Variants in ME3 observed in about 807,000 individuals in gnomAD.
ME3 encodes the protein NADP-dependent malic enzyme, mitochondrial.
A neutral mutation model predicts 68.9 loss-of-function variants in ME3; 48 were observed. The observed-to-expected ratio is 0.70, with a 90% CI of 0.55 to 0.89. The LOEUF is 0.89. Ranked by LOEUF, ME3 falls within the 40% of genes least tolerant of loss-of-function variation. The pLI, the probability that ME3 is intolerant of heterozygous loss-of-function variation, is 0.00. For missense variants in ME3, 675 were observed against 797.4 expected, an observed-to-expected ratio of 0.85 and a Z score of 1.85; for synonymous variants, 320 against 318.8, an observed-to-expected ratio of 1.00 and a Z score of -0.04.
At chr11:86,506,027 C>T (rs549521006) in intron 5 of ME3, among the ~76,000 whole-genome samples, 76 of 152,310 alleles carry the variant, frequency 5.0e-4, no homozygotes, top group Non-Finnish European at 7.9e-4. Context: ...ACTTCGAGCT[C>T]CTTGAGTATG....
chr11:86,551,226 T>C lies in ME3; in HGVS notation c.467+5327A>G, dbSNP rs545631711. Among the ~76,000 whole-genome samples the C allele has an allele frequency of 2.0e-5, 3 of 152,310 alleles. No individual in the cohort carries two copies. The South Asian group carries it at 6.2e-4, about 32-fold the overall frequency. On this transcript the variant is annotated intron_variant, in intron 4 of 14. Transcript: ENST00000543262. ...ATTGATAAAGCATGTTCACATGCGT[T>C]TAGCCCTTCTGACCCTCATAATGAT...
chr11:86,506,909 C>T (rs905474399), intron 5 of ME3, among the ~76,000 whole-genome samples: 27 of 152,176 alleles, frequency 1.8e-4, no homozygotes, highest in African/African-American at 6.5e-4. Flanking sequence ...TGGAAACTTG[C>T]TTCTCTGGGC....
intron 5 of ME3, among the ~76,000 whole-genome samples, chr11:86,502,432 A>C (rs1282679599): frequency 6.6e-6 from 1 of 152,230 alleles, no homozygotes; most frequent in Non-Finnish European, 1.5e-5. Flanking sequence ...ATCAGCACTT[A>C]ACTTGGTGTC....
intron 2 of ME3, among the ~76,000 whole-genome samples, chr11:86,646,354 T>G (rs769428407): frequency 2.0e-5 from 3 of 152,112 alleles, no homozygotes; most frequent in Non-Finnish European, 4.4e-5. Context: ...GAGAAGAACA[T>G]AAATGACCTA....
downstream of ME3, chr11:86,436,700 A>T (rs1317886667): frequency 1.3e-5 from 2 of 151,968 alleles, no homozygotes; most frequent in African/African-American, 4.8e-5. Context: ...GTAAAGGTTA[A>T]TTTTTGTGTT....
chr11:86,668,907 C>A (rs56053971), intron 2 of ME3, among the ~76,000 whole-genome samples: 1,701 of 152,322 alleles, frequency 0.011, 15 homozygotes, highest in Middle Eastern at 0.024. Flanking sequence ...TGGAAGGGCT[C>A]TCCTTCTAAC....
intron 7 of ME3, among the ~76,000 whole-genome samples, chr11:86,466,669 G>A (rs550191488): frequency 7.2e-4 from 110 of 152,334 alleles, no homozygotes; most frequent in Non-Finnish European, 1.3e-3. Flanking sequence ...GGCTTATGCT[G>A]TCCAGCCCAA....
intron 4 of ME3, among the ~76,000 whole-genome samples, chr11:86,555,530 A>T (rs755075489): frequency 6.6e-6 from 1 of 152,172 alleles, no homozygotes; most frequent in Non-Finnish European, 1.5e-5. Context: ...GTTCTGAGTG[A>T]TGAGGATGTG....
intron 4 of ME3, among the ~76,000 whole-genome samples, chr11:86,552,999 G>A (rs905413647): frequency 6.6e-6 from 1 of 152,166 alleles, no homozygotes; most frequent in African/African-American, 2.4e-5. Flanking sequence ...GTTGAGTTCT[G>A]TCTCGGCCTC....
At chr11:86,608,549 C>T (rs549238677) in intron 2 of ME3, among the ~76,000 whole-genome samples, 1 of 152,284 alleles carries the variant, frequency 6.6e-6, no homozygotes, top group African/African-American at 2.4e-5. Flanking sequence ...CTCAAATTCC[C>T]TCTCAGCTCC....
intron 7 of ME3, among the ~76,000 whole-genome samples, chr11:86,486,623 G>A (rs188222059): frequency 6.6e-6 from 1 of 152,360 alleles, no homozygotes; most frequent in Admixed American, 6.5e-5. Flanking sequence ...AAGTGAGAGG[G>A]GAACATGCTT....
intron 8 of ME3, among the ~76,000 whole-genome samples, chr11:86,455,827 A>G (rs1017342168): frequency 3.9e-5 from 6 of 152,186 alleles, no homozygotes; most frequent in African/African-American, 1.4e-4. Flanking sequence ...ACTGTACTGC[A>G]TTCAAAAGAA....
At chr11:86,659,641 C>G (rs1201862804) in intron 2 of ME3, among the ~76,000 whole-genome samples, 1 of 152,136 alleles carries the variant, frequency 6.6e-6, no homozygotes, top group East Asian at 1.9e-4. Context: ...TGGAGACTAT[C>G]TTAAAACTTC....
chr11:86,537,173 T>A (rs1308586940), intron 4 of ME3, among the ~76,000 whole-genome samples: 1 of 149,984 alleles, frequency 6.7e-6, no homozygotes, highest in Non-Finnish European at 1.5e-5. Flanking sequence ...CATTGGGAGA[T>A]ACACCTAATG....
At chr11:86,531,651 A>G (rs898780893) in intron 4 of ME3, among the ~76,000 whole-genome samples, 1 of 152,178 alleles carries the variant, frequency 6.6e-6, no homozygotes, top group Non-Finnish European at 1.5e-5. Flanking sequence ...CATATACACC[A>G]TGGAATACTA....
intron 4 of ME3, among the ~76,000 whole-genome samples, chr11:86,524,079 C>G (rs769554434): frequency 5.3e-5 from 8 of 152,220 alleles, no homozygotes; most frequent in Non-Finnish European, 1.2e-4. Flanking sequence ...AAAAGTCACA[C>G]TTAACACTCT....
chr11:86,637,296 A>T (rs1565249453), intron 2 of ME3, among the ~76,000 whole-genome samples: 1 of 149,384 alleles, frequency 6.7e-6, no homozygotes, highest in Non-Finnish European at 1.5e-5. Flanking sequence ...TCCTTGGGAG[A>T]TCCTATTATA....
At chr11:86,660,960 T>C (rs1203222300) in intron 2 of ME3, among the ~76,000 whole-genome samples, 1 of 152,210 alleles carries the variant, frequency 6.6e-6, no homozygotes, top group Non-Finnish European at 1.5e-5. Context: ...TCACCATCTT[T>C]TCAAAAGAGC....
chr11:86,519,116 C>G (rs1363326514), intron 4 of ME3, among the ~76,000 whole-genome samples: 1 of 152,178 alleles, frequency 6.6e-6, no homozygotes, highest in Non-Finnish European at 1.5e-5. Context: ...GCAAATATGC[C>G]AACCATCCAA....
Sources: allele counts gnomAD v4.1 joint callset (sites outside exome capture counted in the v4.1 genomes callset), GRCh38; gene constraint gnomAD v4.1.1; transcripts MANE v1.5; gene names NCBI Gene and HGNC (gene_info 2026-07-23, HGNC 2026-07-21).